The following AKT3 variants were observed in gnomAD, a reference collection of about 807,000 sequenced individuals.
AKT3 encodes the protein RAC-gamma serine/threonine-protein kinase.
In AKT3, 15 loss-of-function variants were observed where a neutral mutation model predicts 65.3. The observed-to-expected ratio is 0.23, with a 90% confidence interval of 0.15 to 0.35. The LOEUF (loss-of-function observed/expected upper bound fraction) is 0.35. Ranked by LOEUF, AKT3 falls within the 10% of genes least tolerant of loss-of-function variation. The probability of loss-of-function intolerance (pLI) is 1.00; values close to 1 mark genes in which losing one functional copy is unlikely to be tolerated. For synonymous variants in AKT3, 206 were observed against 183.8 expected (o/e 1.12, Z -0.98); for missense variants, 243 against 576.5 (o/e 0.42, Z 5.92).
intron 2 of AKT3, among the ~76,000 whole-genome samples, chr1:243,778,173 C>A (rs1690677512): frequency 6.6e-6 from 1 of 152,048 alleles, no homozygotes; most frequent in African/African-American, 2.4e-5. Context: ...AACTACCCTG[C>A]AGAAAAAGAC....
intron 3 of AKT3, among the ~76,000 whole-genome samples, chr1:243,686,093 A>AGTTG (rs1684270185): frequency 6.6e-6 from 1 of 152,216 alleles, no homozygotes; most frequent in Non-Finnish European, 1.5e-5. Flanking sequence ...CCACTGCTCA[A>AGTTG]GGAAATAAGA....
At chr1:243,568,904 T>C (rs1674363191) in intron 9 of AKT3, among the ~76,000 whole-genome samples, 2 of 152,160 alleles carry the variant, frequency 1.3e-5, no homozygotes, top group Admixed American at 6.5e-5. Flanking sequence ...AGACTAAATA[T>C]TTGAAAGTTT....
chr1:243,643,686 C>T (rs1165591338), intron 5 of AKT3, among the ~76,000 whole-genome samples: 1 of 152,188 alleles, frequency 6.6e-6, no homozygotes, highest in Non-Finnish European at 1.5e-5. Context: ...AGGTAACGAA[C>T]CCTATTTCAT....
In AKT3 at chr1:243,700,506, A is replaced by ATT. The variant is rs67611152; in HGVS notation, c.47-4792_47-4791dup. On this transcript the variant is annotated intron_variant, in intron 2 of 13. Coordinates refer to ENST00000673466, the MANE Select transcript of AKT3 (RefSeq NM_005465.7). Reference sequence around the variant, plus strand: ...TTATTTTGGACCTCAGGCTTAGTCTATTTTTTTTTTTTTTTTGAGACACAG... The same window carrying ATT: ...TTATTTTGGACCTCAGGCTTAGTCTATTTTTTTTTTTTTTTTTTGAGACACAG... 7.5e-3 allele frequency among the ~76,000 whole-genome samples: 1,055 copies of ATT among 139,934 alleles called. 24 individuals are homozygous for ATT. Among genetic ancestry groups the ATT allele is most frequent in the East Asian group, 0.074 (355 of 4,776 alleles). 91.8% of individuals were successfully genotyped at this position (139,934 alleles called of 152,430 possible).
rs61264637 is a variant in AKT3 at position 243,753,635 on chromosome 1, A to C, written c.47-57919T>G. ...TTCTTTTGTACCTCAATGCTGATCA[A>C]GGTTGGTAGAGAAATGAATGTTTCT... On this transcript the variant is annotated intron_variant, in intron 2 of 13. Coordinates refer to ENST00000673466, the MANE Select transcript of AKT3 (RefSeq NM_005465.7). 1.5e-3 allele frequency among the ~76,000 whole-genome samples: 223 copies of C among 152,312 alleles called. 1 individual carries two copies. The East Asian group carries it at 0.035, about 24-fold the overall frequency.
intron 1 of AKT3, among the ~76,000 whole-genome samples, chr1:243,849,513 C>A (rs547750635): frequency 1.3e-5 from 2 of 151,884 alleles, no homozygotes; most frequent in Admixed American, 6.5e-5. Context: ...GCGCAGACAG[C>A]CTCAGCGCCA....
At chr1:243,600,609 G>C (rs2148573577) in intron 8 of AKT3, among the ~76,000 whole-genome samples, 1 of 152,070 alleles carries the variant, frequency 6.6e-6, no homozygotes, top group South Asian at 2.1e-4. Context: ...CACTTTGCAA[G>C]AAACAAATGA....
intron 3 of AKT3, among the ~76,000 whole-genome samples, chr1:243,672,708 G>A (rs1683235181): frequency 6.6e-6 from 1 of 152,264 alleles, no homozygotes; most frequent in Non-Finnish European, 1.5e-5. Flanking sequence ...ATGTTAATGT[G>A]AACTTCTCCT....
At chr1:243,506,071 A>T (rs1447034845) in intron 13 of AKT3, among the ~76,000 whole-genome samples, 2 of 152,226 alleles carry the variant, frequency 1.3e-5, no homozygotes, top group Admixed American at 6.5e-5. Flanking sequence ...TCCTGTGATG[A>T]CAGTCCTGTG....
chr1:243,526,876 G>A (rs1671143644), intron 12 of AKT3, among the ~76,000 whole-genome samples: 1 of 129,830 alleles, frequency 7.7e-6, no homozygotes, highest in African/African-American at 2.9e-5. Flanking sequence ...AAAAAATGAA[G>A]AAATGAAAGT....
chr1:243,670,262 G>T (rs969133899), intron 3 of AKT3, among the ~76,000 whole-genome samples: 1 of 152,058 alleles, frequency 6.6e-6, no homozygotes, highest in Non-Finnish European at 1.5e-5. Flanking sequence ...GTGGTAGTTG[G>T]ATCACTACCA....
chr1:243,779,742 C>T (rs185002489), intron 2 of AKT3, among the ~76,000 whole-genome samples: 150 of 152,120 alleles, frequency 9.9e-4, no homozygotes, highest in African/African-American at 3.4e-3. Context: ...AGAACCAGAG[C>T]TCCCTAGAGA....
chr1:243,839,880 A>C (rs1254385491), intron 2 of AKT3, among the ~76,000 whole-genome samples: 2 of 151,770 alleles, frequency 1.3e-5, no homozygotes, highest in South Asian at 4.1e-4. Flanking sequence ...AAAAAAAAAA[A>C]AACAGAAAAT....
chr1:243,741,063 T>G (rs1023141832), intron 2 of AKT3, among the ~76,000 whole-genome samples: 3 of 152,224 alleles, frequency 2.0e-5, no homozygotes, highest in Non-Finnish European at 4.4e-5. Flanking sequence ...CTGGGAAATT[T>G]ATATCATTAA....
At chr1:243,575,115 C>T (rs1674847034) in intron 8 of AKT3, among the ~76,000 whole-genome samples, 1 of 152,132 alleles carries the variant, frequency 6.6e-6, no homozygotes, top group Admixed American at 6.5e-5. Flanking sequence ...ACCTCTTAAT[C>T]GCCAAATCCA....
At chr1:243,797,078 G>C (rs1464168443) in intron 2 of AKT3, among the ~76,000 whole-genome samples, 1 of 151,966 alleles carries the variant, frequency 6.6e-6, no homozygotes. Flanking sequence ...CAATGTGCAT[G>C]TACTTGATGT....
intron 2 of AKT3, among the ~76,000 whole-genome samples, chr1:243,758,368 C>G (rs1275955506): frequency 6.6e-6 from 1 of 151,946 alleles, no homozygotes; most frequent in East Asian, 1.9e-4. Flanking sequence ...TGAGGAAGCT[C>G]GATATAGATA....
chr1:243,680,359 T>C (rs947586906), intron 3 of AKT3, among the ~76,000 whole-genome samples: 5 of 152,032 alleles, frequency 3.3e-5, no homozygotes, highest in African/African-American at 1.2e-4. Flanking sequence ...TCAGAAACAT[T>C]ATTGTAATAA....
upstream of AKT3, chr1:243,850,244 AG>A (rs1232047135): frequency 8.9e-6 from 1 of 112,954 alleles, no homozygotes; most frequent in Non-Finnish European, 1.8e-5. Flanking sequence ...GAAGGGCTGC[AG>A]GGGAGGGAGG....
Sources: allele counts gnomAD v4.1 joint callset (sites outside exome capture counted in the v4.1 genomes callset), GRCh38; gene constraint gnomAD v4.1.1; transcripts MANE v1.5; gene names NCBI Gene and HGNC (gene_info 2026-07-23, HGNC 2026-07-21).